Variants in CSMD1 observed in about 807,000 individuals in gnomAD.
CSMD1 encodes the protein CUB and sushi domain-containing protein 1.
Under a neutral mutation model 417.5 loss-of-function variants are expected in CSMD1, and 213 were observed. That is an observed-to-expected ratio of 0.51 (90% CI 0.46 to 0.57). CSMD1 has a LOEUF of 0.57. Among genes scored for constraint, CSMD1 ranks in the 20% least tolerant of loss-of-function variants. CSMD1 has a pLI of 0.00. For missense variants in CSMD1, 6,923 were observed against 4,529.7 expected (o/e 1.53, Z -15.17); for synonymous variants, 2,862 against 1,736.8 (o/e 1.65, Z -16.11).
intron 5 of CSMD1, among the ~76,000 whole-genome samples, chr8:3,883,959 TAG>T (rs1388964985): frequency 6.6e-6 from 1 of 152,178 alleles, no homozygotes; most frequent in African/African-American, 2.4e-5. Context: ...TACATAGATA[TAG>T]AGTGTGCACA....
chr8:4,279,341 G>C (rs1796655428), intron 3 of CSMD1, among the ~76,000 whole-genome samples: 1 of 152,202 alleles, frequency 6.6e-6, no homozygotes, highest in African/African-American at 2.4e-5. Context: ...AGACTAGACA[G>C]ATACAGGTGG....
intron 3 of CSMD1, among the ~76,000 whole-genome samples, chr8:4,074,874 C>G (rs553004556): frequency 3.6e-4 from 55 of 152,164 alleles, no homozygotes; most frequent in African/African-American, 1.3e-3. Context: ...AGAATGCACA[C>G]TCCTCTTAAA....
rs183315067 is a variant in CSMD1 at position 4,945,813 on chromosome 8, C to T, written c.85+48519G>A. 6.0e-3 allele frequency among the ~76,000 whole-genome samples: 910 copies of T among 152,180 alleles called. 14 individuals carry two copies. The highest frequency in any genetic ancestry group is 0.041 in the Middle Eastern group (12 of 294). On this transcript the variant is annotated intron_variant, in intron 1 of 69. Transcript: ENST00000635120. ...GGATGAGGTTAAGTAGGCAGCAGAA[C>T]CCAGTTTTGGAGAGTCCAAGGTCAC...
chr8:4,645,223 C>T (rs1019674125), intron 1 of CSMD1, among the ~76,000 whole-genome samples: 5 of 151,884 alleles, frequency 3.3e-5, no homozygotes, highest in East Asian at 1.9e-4. Flanking sequence ...GTCATCATTC[C>T]GGGCAAGACA....
chr8:4,518,578 G>A (rs1018522831), intron 2 of CSMD1, among the ~76,000 whole-genome samples: 2 of 141,960 alleles, frequency 1.4e-5, no homozygotes, highest in African/African-American at 2.6e-5. Context: ...AGAACACATG[G>A]ACACAGGAAG....
chr8:4,911,092 C>A (rs889208279), intron 1 of CSMD1, among the ~76,000 whole-genome samples: 2 of 152,206 alleles, frequency 1.3e-5, no homozygotes, highest in Admixed American at 6.5e-5. Context: ...GCCTCCCCAG[C>A]CATGTGGAAC....
intron 12 of CSMD1, among the ~76,000 whole-genome samples, chr8:3,451,487 T>G (rs1054494399): frequency 3.3e-5 from 5 of 152,246 alleles, no homozygotes; most frequent in African/African-American, 1.2e-4. Context: ...TGAATTAATT[T>G]TTGTATAAGG....
chr8:3,723,388 T>G (rs1802296192), intron 6 of CSMD1, among the ~76,000 whole-genome samples: 1 of 152,222 alleles, frequency 6.6e-6, no homozygotes, highest in Middle Eastern at 3.2e-3. Context: ...AGCCATAAGC[T>G]AATCATAGGA....
intron 36 of CSMD1, among the ~76,000 whole-genome samples, chr8:3,185,851 G>A (rs2129049332): frequency 6.6e-6 from 1 of 152,210 alleles, no homozygotes; most frequent in East Asian, 1.9e-4. Context: ...CAAACTAAAA[G>A]AACACTTTAC....
chr8:4,789,556 C>T (rs374155188), intron 1 of CSMD1, among the ~76,000 whole-genome samples: 1 of 152,126 alleles, frequency 6.6e-6, no homozygotes, highest in Non-Finnish European at 1.5e-5. Flanking sequence ...ACCACCAAAG[C>T]TTTTGTTCAC....
At chr8:3,443,992 T>C (rs1319248326) in intron 12 of CSMD1, among the ~76,000 whole-genome samples, 3 of 152,074 alleles carry the variant, frequency 2.0e-5, no homozygotes, top group Non-Finnish European at 4.4e-5. Context: ...AGATATACAA[T>C]GGAAGACATG....
At chr8:4,418,026 A>G (rs1425845511) in intron 3 of CSMD1, among the ~76,000 whole-genome samples, 2 of 152,020 alleles carry the variant, frequency 1.3e-5, no homozygotes, top group Non-Finnish European at 2.9e-5. Flanking sequence ...ACGCACACTC[A>G]TTTTTGCAGG....
intron 10 of CSMD1, among the ~76,000 whole-genome samples, chr8:3,546,544 A>G (rs1430243870): frequency 6.6e-6 from 1 of 152,060 alleles, no homozygotes; most frequent in Non-Finnish European, 1.5e-5. Flanking sequence ...AAAAAGAAAA[A>G]AAAAAATCCT....
At chr8:4,446,422 C>A (rs1798792264) in intron 2 of CSMD1, among the ~76,000 whole-genome samples, 1 of 152,124 alleles carries the variant, frequency 6.6e-6, no homozygotes, top group Non-Finnish European at 1.5e-5. Context: ...GTGGTGCACA[C>A]CTGTAGTCCC....
chr8:3,181,346 G>C (rs758490402), intron 36 of CSMD1, 132 bp from the exon 37 acceptor site: 16 of 661,306 alleles, frequency 2.4e-5, no homozygotes, highest in Non-Finnish European at 4.1e-5. Context: ...TTTAATCTGA[G>C]TGTTGGTTTT....
chr8:4,484,100 G>A (rs1040604046), intron 2 of CSMD1, among the ~76,000 whole-genome samples: 1 of 152,006 alleles, frequency 6.6e-6, no homozygotes, highest in Non-Finnish European at 1.5e-5. Flanking sequence ...CTGTTAAACA[G>A]GAGAGCTGGG....
chr8:3,324,797 T>C (rs1806416190), intron 23 of CSMD1, among the ~76,000 whole-genome samples: 1 of 152,214 alleles, frequency 6.6e-6, no homozygotes, highest in African/African-American at 2.4e-5. Flanking sequence ...GTGTTCAATC[T>C]TGGCATTTAC....
chr8:3,238,356 T>A (rs991284593), intron 26 of CSMD1, among the ~76,000 whole-genome samples: 2 of 152,124 alleles, frequency 1.3e-5, no homozygotes, highest in Non-Finnish European at 2.9e-5. Flanking sequence ...GATGTGTACA[T>A]GCAGGTCACA....
chr8:4,420,457 G>A (rs903359934), intron 2 of CSMD1, among the ~76,000 whole-genome samples: 2 of 152,022 alleles, frequency 1.3e-5, no homozygotes, highest in African/African-American at 2.4e-5. Flanking sequence ...ATGGTGGTTT[G>A]CTGCACCTCT....
Sources: allele counts gnomAD v4.1 joint callset (sites outside exome capture counted in the v4.1 genomes callset), GRCh38; gene constraint gnomAD v4.1.1; transcripts MANE v1.5; gene names NCBI Gene and HGNC (gene_info 2026-07-23, HGNC 2026-07-21).